ADAMTSL3: variants seen among roughly 807,000 people sequenced by gnomAD.
ADAMTSL3 encodes ADAMTS like 3, also known as ADAMTS-like protein 3.
ADAMTSL3 carries 128 observed loss-of-function variants against 201.7 expected under a neutral mutation model. The ratio of observed to expected loss-of-function variants is 0.63; its 90% CI spans 0.55 to 0.73. ADAMTSL3 has a LOEUF of 0.73. Among genes scored for constraint, ADAMTSL3 ranks in the 30% least tolerant of loss-of-function variants. The pLI, the probability that ADAMTSL3 is intolerant of heterozygous loss-of-function variation, is 0.00. For missense variants in ADAMTSL3, 1,990 were observed against 2,119.6 expected, an observed-to-expected ratio of 0.94 and a Z score of 1.20; for synonymous variants, 738 against 748.4, an observed-to-expected ratio of 0.99 and a Z score of 0.23.
At chr15:84,031,283 C>A in intron 27 of ADAMTSL3, 52 bp from the exon 28 acceptor site, 1 of 1,557,410 alleles carries the variant, frequency 6.4e-7, no homozygotes, top group Non-Finnish European at 8.8e-7. Context: ...TTAGTACACA[C>A]AGCATGGATG....
At chr15:83,860,007 T>TA (rs961023000) in intron 8 of ADAMTSL3, among the ~76,000 whole-genome samples, 42 of 147,850 alleles carry the variant, frequency 2.8e-4, no homozygotes, top group Middle Eastern at 3.5e-3. Context: ...TACGAAAAAT[T>TA]AAAAAAAAAA....
chr15:83,966,142 C>A (rs2067079638), intron 19 of ADAMTSL3, among the ~76,000 whole-genome samples: 1 of 151,964 alleles, frequency 6.6e-6, no homozygotes, highest in Non-Finnish European at 1.5e-5. Context: ...CAAGAGCAAA[C>A]AAATTCAAAA....
At chr15:83,761,766 A>G (rs939532472) in intron 3 of ADAMTSL3, among the ~76,000 whole-genome samples, 1 of 152,224 alleles carries the variant, frequency 6.6e-6, no homozygotes, top group Non-Finnish European at 1.5e-5. Context: ...TATTTTTAAC[A>G]AAAATAAAGT....
At chr15:83,731,439 T>C (rs2062269336) in intron 3 of ADAMTSL3, among the ~76,000 whole-genome samples, 1 of 151,974 alleles carries the variant, frequency 6.6e-6, no homozygotes, top group African/African-American at 2.4e-5. Flanking sequence ...GAAAAGGAAC[T>C]CTTATATGCT....
At chr15:83,828,111 C>G (rs2064066901) in intron 6 of ADAMTSL3, among the ~76,000 whole-genome samples, 1 of 152,236 alleles carries the variant, frequency 6.6e-6, no homozygotes, top group East Asian at 1.9e-4. Context: ...TATAAATTAC[C>G]TTGGGCAGTA....
At chr15:83,921,545 G>T (rs1596409156) in intron 16 of ADAMTSL3, among the ~76,000 whole-genome samples, 1 of 152,304 alleles carries the variant, frequency 6.6e-6, no homozygotes, top group Middle Eastern at 3.4e-3. Flanking sequence ...ACATATTGAA[G>T]TAGTCAAGAC....
intron 8 of ADAMTSL3, among the ~76,000 whole-genome samples, chr15:83,865,310 T>C (rs1234241633): frequency 6.6e-6 from 1 of 152,112 alleles, no homozygotes; most frequent in African/African-American, 2.4e-5. Context: ...GCCAAGTCAA[T>C]CGTAACCCAA....
intron 19 of ADAMTSL3, among the ~76,000 whole-genome samples, chr15:83,960,999 G>A (rs1220305596): frequency 6.6e-6 from 1 of 152,086 alleles, no homozygotes; most frequent in East Asian, 1.9e-4. Context: ...AGACAGATAG[G>A]TTCTATACTT....
At chr15:84,017,009 G>A (rs1399214603) in intron 25 of ADAMTSL3, among the ~76,000 whole-genome samples, 3 of 152,190 alleles carry the variant, frequency 2.0e-5, no homozygotes, top group Non-Finnish European at 1.5e-5. Context: ...TGCTAGAAAC[G>A]CAGGAAACCA....
chr15:83,706,681 C>A (rs746617586), intron 3 of ADAMTSL3, among the ~76,000 whole-genome samples: 1 of 151,950 alleles, frequency 6.6e-6, no homozygotes, highest in Non-Finnish European at 1.5e-5. Context: ...TGTTCTGTCA[C>A]CCAGGCTGAA....
chr15:83,866,170 A>G (rs1436851720), intron 8 of ADAMTSL3, among the ~76,000 whole-genome samples: 2 of 152,226 alleles, frequency 1.3e-5, no homozygotes, highest in African/African-American at 2.4e-5. Context: ...GGAACTGTAA[A>G]CTAGTTCAAC....
In ADAMTSL3 at chr15:83,714,791, T is replaced by TTCTTTTTCTTTCTC. The variant is rs1555433213; in HGVS notation, c.189+10286_189+10287insTTTTCTTTCTCTCT. Among the ~76,000 whole-genome samples the TTCTTTTTCTTTCTC allele has an allele frequency of 4.3e-4, 34 of 78,888 alleles. 2 individuals carry two copies. The highest frequency in any genetic ancestry group is 5.3e-4 in the Admixed American group (3 of 5,670). 51.8% of individuals were successfully genotyped at this position (78,888 alleles called of 152,430 possible). A position where few individuals can be genotyped will look rare whatever the true frequency, so the allele number is the denominator to read the frequency against. ...TCTTTCTTTCTTTCTTTCTTTTTCT[T>TTCTTTTTCTTTCTC]TCTCTCTCTTTCTTTCTTCTTTCTT... On this transcript the variant is annotated intron_variant, in intron 3 of 29. Coordinates refer to ENST00000286744, the MANE Select transcript of ADAMTSL3 (RefSeq NM_207517.3).
intron 3 of ADAMTSL3, among the ~76,000 whole-genome samples, chr15:83,732,047 A>C (rs1321209191): frequency 6.6e-6 from 1 of 152,108 alleles, no homozygotes; most frequent in Non-Finnish European, 1.5e-5. Flanking sequence ...CACCACACAT[A>C]CACAAAAGTA....
At chr15:83,740,899 A>C (rs1321651713) in intron 3 of ADAMTSL3, among the ~76,000 whole-genome samples, 1 of 152,182 alleles carries the variant, frequency 6.6e-6, no homozygotes, top group East Asian at 1.9e-4. Context: ...TAAAAAATAC[A>C]GAAAAACTGG....
chr15:83,683,278 AAACTG>A (rs1383928983), intron 2 of ADAMTSL3, among the ~76,000 whole-genome samples: 1 of 152,016 alleles, frequency 6.6e-6, no homozygotes, highest in Non-Finnish European at 1.5e-5. Flanking sequence ...GGCTGTAGTC[AAACTG>A]AACTTGCACT....
chr15:83,876,744 A>G lies in ADAMTSL3; in HGVS notation c.960+5785A>G, dbSNP rs566197809. ...CCTCCTGGGCTCAAGTGATTCTCTC[A>G]CCTCAGCCTTCCAAGTAGTTGAGAC... On this transcript the variant is annotated intron_variant, in intron 9 of 29. Transcript: ENST00000286744. 2.6e-5 allele frequency among the ~76,000 whole-genome samples: 4 copies of G among 151,816 alleles called. No individual in the cohort carries two copies. The South Asian group carries it at 8.3e-4, about 32-fold the overall frequency.
At chr15:83,713,368 G>C (rs755172335) in intron 3 of ADAMTSL3, among the ~76,000 whole-genome samples, 3 of 152,150 alleles carry the variant, frequency 2.0e-5, no homozygotes, top group Non-Finnish European at 2.9e-5. Flanking sequence ...CCAGATTTCT[G>C]TTCTGTTGTG....
intron 20 of ADAMTSL3, among the ~76,000 whole-genome samples, chr15:83,979,473 A>G (rs1335355119): frequency 6.6e-6 from 1 of 152,212 alleles, no homozygotes; most frequent in Non-Finnish European, 1.5e-5. Flanking sequence ...ATGCAATCCA[A>G]TTAGTAAAAA....
At chr15:83,723,428 C>T (rs1372134812) in intron 3 of ADAMTSL3, among the ~76,000 whole-genome samples, 1 of 152,134 alleles carries the variant, frequency 6.6e-6, no homozygotes, top group Non-Finnish European at 1.5e-5. Context: ...TAGTTTTTGA[C>T]TCAGCAAATG....
Sources: allele counts gnomAD v4.1 joint callset (sites outside exome capture counted in the v4.1 genomes callset), GRCh38; gene constraint gnomAD v4.1.1; transcripts MANE v1.5; gene names NCBI Gene and HGNC (gene_info 2026-07-23, HGNC 2026-07-21).